The following DLG2 variants were observed in gnomAD, a reference collection of about 807,000 sequenced individuals.
DLG2 encodes the protein discs large MAGUK scaffold protein 2.
In DLG2, 45 loss-of-function variants were observed where a neutral mutation model predicts 132.5. The ratio of observed to expected loss-of-function variants is 0.34; its 90% CI spans 0.27 to 0.44. DLG2 has a LOEUF of 0.44. DLG2 is among the 20% of genes least tolerant of loss of function. The pLI is 1.00. For missense variants in DLG2, 1,045 were observed against 1,196.9 expected, an observed-to-expected ratio of 0.87 and a Z score of 1.87; for synonymous variants, 424 against 419.6, an observed-to-expected ratio of 1.01 and a Z score of -0.13.
chr11:83,980,535 T>A lies in DLG2; in HGVS notation c.1027A>T (p.Arg343Trp), dbSNP rs1297927302. The change falls in exon 12 of 28, where the codon AGG (arginine) becomes TGG (tryptophan). Residue 343 changes from arginine (R) to tryptophan (W), a missense_variant. By Grantham distance (101) the Arg-to-Trp change is moderately radical. Around this residue, in one of 4 missense-constraint regions of DLG2, gnomAD observed 261 missense variants for 256.1 expected, o/e 1.02. Transcript: ENST00000376104. ...IDGGAAQKDG[R>W]LQVGDRLLMV... is the part of the protein sequence containing the mutation. ...AGTAGTCTATCTCCTACTTGCAACC[T>A]TCCATCTTTTTGTGCAGCTCCTCCA... 6.2e-7 allele frequency: 1 copy of A among 1,613,820 alleles called. No individual in the cohort carries two copies. The highest frequency in any genetic ancestry group is 8.5e-7 in the Non-Finnish European group (1 of 1,179,848).
chr11:84,676,214 T>G (rs1190237720), intron 6 of DLG2, among the ~76,000 whole-genome samples: 2 of 152,076 alleles, frequency 1.3e-5, no homozygotes, highest in Non-Finnish European at 2.9e-5. Context: ...GATGATGGGT[T>G]GGCTGTTTGT....
chr11:83,795,323 G>C (rs1322435574), intron 17 of DLG2, among the ~76,000 whole-genome samples: 1 of 152,214 alleles, frequency 6.6e-6, no homozygotes, highest in Middle Eastern at 3.4e-3. Context: ...CAGGAGAATG[G>C]CGTGAACATG....
intron 21 of DLG2, among the ~76,000 whole-genome samples, chr11:83,520,757 G>A (rs2095458663): frequency 7.1e-6 from 1 of 141,142 alleles, no homozygotes; most frequent in East Asian, 2.2e-4. Flanking sequence ...ACACATGGAT[G>A]TTTTTCTTGA....
intron 6 of DLG2, 128 bp from the exon 7 acceptor site, chr11:84,534,859 G>T: frequency 9.1e-7 from 1 of 1,100,218 alleles, no homozygotes; most frequent in Non-Finnish European, 1.4e-6. Context: ...CACCAAATGG[G>T]CTTTGCTGCA....
intron 15 of DLG2, among the ~76,000 whole-genome samples, chr11:83,890,331 T>A (rs1395544752): frequency 6.6e-6 from 1 of 152,162 alleles, no homozygotes; most frequent in Non-Finnish European, 1.5e-5. Flanking sequence ...GTAGAGTTTT[T>A]TTTTTGGAAA....
At chr11:84,763,847 C>A (rs555282905) in intron 6 of DLG2, among the ~76,000 whole-genome samples, 4 of 152,062 alleles carry the variant, frequency 2.6e-5, no homozygotes, top group Admixed American at 6.6e-5. Context: ...GAGATATATA[C>A]CTCTATAATT....
At chr11:84,470,526 G>T (rs2099105794) in intron 7 of DLG2, among the ~76,000 whole-genome samples, 1 of 151,656 alleles carries the variant, frequency 6.6e-6, no homozygotes, top group African/African-American at 2.4e-5. Flanking sequence ...TTGCAGTCAG[G>T]GAAGACTTCA....
At chr11:85,092,281 A>G (rs1424156314) in intron 6 of DLG2, among the ~76,000 whole-genome samples, 4 of 152,208 alleles carry the variant, frequency 2.6e-5, no homozygotes, top group African/African-American at 7.2e-5. Flanking sequence ...GGTTTTGGTC[A>G]TAATCCCAAA....
intron 10 of DLG2, among the ~76,000 whole-genome samples, chr11:84,071,217 A>G (rs901451787): frequency 6.6e-6 from 1 of 151,692 alleles, no homozygotes; most frequent in South Asian, 2.1e-4. Context: ...TCAGCCTCCC[A>G]TGTGGTTGGA....
intron 7 of DLG2, among the ~76,000 whole-genome samples, chr11:84,303,842 T>C (rs1198314203): frequency 6.6e-6 from 1 of 152,210 alleles, no homozygotes; most frequent in Non-Finnish European, 1.5e-5. Context: ...AAGGTGTCAT[T>C]CTTGATCTTA....
intron 6 of DLG2, among the ~76,000 whole-genome samples, chr11:84,573,258 T>G (rs1482127343): frequency 6.6e-6 from 1 of 152,188 alleles, no homozygotes; most frequent in South Asian, 2.1e-4. Context: ...ATTACTAAAA[T>G]GTTAACTATT....
chr11:84,614,368 C>T (rs2099600508), intron 6 of DLG2, among the ~76,000 whole-genome samples: 1 of 151,962 alleles, frequency 6.6e-6, no homozygotes, highest in South Asian at 2.1e-4. Context: ...ACCGTGTGGG[C>T]AAAAGAAGAC....
At chr11:85,188,900 A>G (rs1029349958) in intron 4 of DLG2, among the ~76,000 whole-genome samples, 1 of 152,188 alleles carries the variant, frequency 6.6e-6, no homozygotes, top group Non-Finnish European at 1.5e-5. Context: ...GGGAGTCCCA[A>G]AAGGTGAAAA....
intron 10 of DLG2, among the ~76,000 whole-genome samples, chr11:84,076,797 C>T (rs1393726264): frequency 3.9e-5 from 6 of 152,180 alleles, no homozygotes; most frequent in Non-Finnish European, 8.8e-5. Context: ...AAAAGATAAA[C>T]TCCAATGTTC....
intron 3 of DLG2, among the ~76,000 whole-genome samples, chr11:85,392,168 G>C (rs1265993130): frequency 6.6e-6 from 1 of 151,902 alleles, no homozygotes; most frequent in Non-Finnish European, 1.5e-5. Context: ...ATCAAATCAA[G>C]AACTCAACCC....
At chr11:83,975,712 G>T (rs1165057123) in intron 12 of DLG2, among the ~76,000 whole-genome samples, 1 of 151,702 alleles carries the variant, frequency 6.6e-6, no homozygotes. Flanking sequence ...AGAGAGAAAA[G>T]GTCTAAAACA....
At position 83,484,801 on chromosome 11, in the gene DLG2, AC is replaced by A. The variant is rs529844557; in HGVS notation, c.2194-574del. ...TCTGTTTAGTTTTAATTAAATTAAA[AC>A]TGCACAAAGAAGTATGTAGATTTAT... On this transcript the variant is annotated intron_variant, in intron 21 of 27. Coordinates refer to ENST00000376104, the MANE Select transcript of DLG2 (RefSeq NM_001142699.3). 9.2e-5 allele frequency among the ~76,000 whole-genome samples: 14 copies of A among 152,304 alleles called. No individual in the cohort carries two copies. The East Asian group carries it at 2.1e-3, about 23-fold the overall frequency.
intron 8 of DLG2, among the ~76,000 whole-genome samples, chr11:84,183,222 A>G (rs1312410818): frequency 1.3e-5 from 2 of 152,206 alleles, no homozygotes; most frequent in Admixed American, 6.5e-5. Flanking sequence ...CACAAAAAAT[A>G]CTTTCTAACT....
At position 85,304,384 on chromosome 11, in the gene DLG2, G is replaced by A. The variant is rs147809020; in HGVS notation, c.41-19019C>T. ...AGAAAACCACAAAGCAAAGAAAAGC[G>A]GGGGCAAGAAAGGTAAATCCTAGGT... On this transcript the variant is annotated intron_variant, in intron 3 of 27. Transcript: ENST00000376104. 1.1e-3 allele frequency among the ~76,000 whole-genome samples: 172 copies of A among 152,202 alleles called. 1 individual carries two copies. The highest frequency in any genetic ancestry group is 3.6e-3 in the African/African-American group (149 of 41,522).
Sources: gnomAD v4.1 joint callset for allele counts (sites outside exome capture counted in the v4.1 genomes callset) on GRCh38, gnomAD v4.1.1 for gene constraint, gnomAD v4.1.1 regional missense constraint, MANE v1.5 for transcripts, NCBI Gene and HGNC (gene_info 2026-07-23, HGNC 2026-07-21) for gene names.